EXD2: variants seen among roughly 807,000 people sequenced by gnomAD.
EXD2 encodes the protein exonuclease 3'-5' domain containing 2.
Under a neutral mutation model 62.5 loss-of-function variants are expected in EXD2, and 40 were observed. That is an observed-to-expected ratio of 0.64 (90% confidence interval 0.50 to 0.83). EXD2 has a LOEUF of 0.83. Ranked by LOEUF, EXD2 falls within the 40% of genes least tolerant of loss-of-function variation. The pLI, the probability that EXD2 is intolerant of heterozygous loss-of-function variation, is 0.00. For synonymous variants in EXD2, 239 were observed against 291.9 expected (o/e 0.82, Z 1.85); for missense variants, 671 against 761.8 (o/e 0.88, Z 1.40).
chr14:69,240,806 C>G, intron 9 of EXD2, 78 bp from the exon 10 acceptor site: 1 of 1,271,974 alleles, frequency 7.9e-7, no homozygotes, highest in South Asian at 1.3e-5. Context: ...TTACCCTTGG[C>G]GCGCAGCATT....
At chr14:69,221,004 C>G (rs562042236) in intron 3 of EXD2, among the ~76,000 whole-genome samples, 1 of 152,230 alleles carries the variant, frequency 6.6e-6, no homozygotes, top group East Asian at 1.9e-4. Context: ...GTAGCTGGGA[C>G]TACAGGTGCA....
At chr14:69,231,978 C>G (rs1215964584) in intron 5 of EXD2, among the ~76,000 whole-genome samples, 1 of 145,742 alleles carries the variant, frequency 6.9e-6, no homozygotes, top group African/African-American at 2.5e-5. Flanking sequence ...AGTTTCTCCA[C>G]AGATGAATCT....
intron 3 of EXD2, among the ~76,000 whole-genome samples, chr14:69,225,032 T>G (rs2043311652): frequency 6.6e-6 from 1 of 152,220 alleles, no homozygotes. Flanking sequence ...AGGTCTTACT[T>G]GCTGTAGCTT....
intron 2 of EXD2, among the ~76,000 whole-genome samples, chr14:69,206,400 C>T (rs547916397): frequency 2.9e-4 from 43 of 147,928 alleles, no homozygotes; most frequent in Non-Finnish European, 3.0e-4. Context: ...TATACTCCAG[C>T]GCTGGGGCTG....
intron 1 of EXD2, among the ~76,000 whole-genome samples, chr14:69,195,681 G>C (rs900537885): frequency 1.1e-4 from 17 of 152,058 alleles, no homozygotes; most frequent in Non-Finnish European, 1.9e-4. Flanking sequence ...CCCTATCCCT[G>C]ACTCCCCTGA....
At position 69,230,557 on chromosome 14, in the gene EXD2, C is replaced by G; in HGVS notation, c.676C>G (p.Arg226Gly). Residue 226 changes from arginine to glycine, a missense_variant, in exon 5 of 10, where the codon CGT becomes GGT. Arg to Gly is a moderately radical substitution (Grantham distance 125). Transcript: ENST00000685843. Reference protein sequence around the residue: ...NFPLDKSLLLRCSNWDAETLT... With the variant: ...NFPLDKSLLLGCSNWDAETLT... The stretch of plus-strand genomic sequence containing the variant: ...TCCCCTTGACAAGTCCCTTCTACTT[C>G]GTTGCAGCAACTGGGATGCTGAGAC... 6.2e-7 allele frequency: 1 copy of G among 1,613,896 alleles called. No homozygotes were observed. Among genetic ancestry groups the G allele is most frequent in the East Asian group, 2.2e-5 (1 of 44,880 alleles).
intron 4 of EXD2, among the ~76,000 whole-genome samples, chr14:69,229,756 T>C (rs1480053783): frequency 2.6e-5 from 4 of 152,088 alleles, no homozygotes; most frequent in Non-Finnish European, 5.9e-5. Flanking sequence ...TATGTATGGG[T>C]CCTCATTTAT....
At chr14:69,218,842 G>A (rs1015116583) in intron 3 of EXD2, among the ~76,000 whole-genome samples, 5 of 152,000 alleles carry the variant, frequency 3.3e-5, no homozygotes, top group African/African-American at 4.8e-5. Flanking sequence ...ATTTTTGAGC[G>A]CTCTGTTCCG....
chr14:69,236,146 A>G lies in EXD2; in HGVS notation c.1150A>G (p.Ile384Val). The G allele has an allele frequency of 1.2e-6, 2 of 1,613,250 alleles. No individual in the cohort carries two copies. The highest frequency in any genetic ancestry group is 1.7e-6 in the Non-Finnish European group (2 of 1,179,212). Residue 384 changes from isoleucine (I) to valine (V), a missense_variant, in exon 7 of 10, where the codon ATT (isoleucine) becomes GTT (valine). Transcript: ENST00000685843. The part of the protein sequence containing the change: ...RKAQWYLDKG[I>V]GELVSEEPFV... ...AGCTCAGTGGTACCTGGACAAAGGC[A>G]TTGGTGGTATGAGATTCAGCTGTCC... is the stretch of plus-strand genomic sequence containing the variant.
intron 1 of EXD2, among the ~76,000 whole-genome samples, chr14:69,198,944 T>A (rs1391433225): frequency 6.6e-6 from 1 of 152,170 alleles, no homozygotes; most frequent in Non-Finnish European, 1.5e-5. Context: ...AAAAATGTGG[T>A]ATAAAAGCTA....
intron 3 of EXD2, among the ~76,000 whole-genome samples, chr14:69,211,532 G>A (rs139711918): frequency 2.8e-4 from 42 of 150,370 alleles, no homozygotes; most frequent in African/African-American, 9.6e-4. Context: ...GACAGTGTGG[G>A]GAAATCTTTG....
At chr14:69,234,573 G>A in intron 5 of EXD2, 127 bp from the exon 6 acceptor site, 1 of 749,046 alleles carries the variant, frequency 1.3e-6, no homozygotes, top group Non-Finnish European at 2.1e-6. Flanking sequence ...GGAAGTGTAT[G>A]GTGCCCAGGT....
chr14:69,208,692 C>T (rs2042702992), intron 2 of EXD2: 1 of 152,216 alleles, frequency 6.6e-6, no homozygotes, highest in Non-Finnish European at 1.5e-5. Context: ...ATTAACCTGC[C>T]TGGCGCTGTG....
chr14:69,200,519 T>C (rs1191520255), intron 1 of EXD2, among the ~76,000 whole-genome samples: 2 of 150,922 alleles, frequency 1.3e-5, no homozygotes, highest in Non-Finnish European at 2.9e-5. Context: ...CCGGGCAACA[T>C]TGTGAAACCC....
chr14:69,225,250 T>G (rs2043319086), intron 3 of EXD2, among the ~76,000 whole-genome samples: 1 of 152,238 alleles, frequency 6.6e-6, no homozygotes, highest in South Asian at 2.1e-4. Context: ...GATGGTCCCA[T>G]GTCATTCTTT....
At chr14:69,237,471 G>T (rs1267978932) in intron 8 of EXD2, 104 bp from the exon 9 acceptor site, 3 of 1,026,142 alleles carry the variant, frequency 2.9e-6, no homozygotes, top group Non-Finnish European at 4.5e-6. Flanking sequence ...AGGCTTCTCA[G>T]TCATGGTTAG....
Position 69,201,519 on chromosome 14 carries a change from A to G in EXD2, c.-131-2398A>G, listed in dbSNP as rs116820325. ...TTACAGTTGTTTAAATGTTTCACCT[A>G]TCCTGTGGTGCTTCCTGCCCTTCCC... is the stretch of plus-strand genomic sequence containing the variant. On this transcript the variant is annotated intron_variant, in intron 1 of 9. Transcript: ENST00000685843. Among the ~76,000 whole-genome samples, 438 of 151,856 alleles carry G rather than the reference A, an allele frequency of 2.9e-3. 5 individuals carry two copies. Among genetic ancestry groups the G allele is most frequent in the African/African-American group, 0.01 (414 of 41,392 alleles).
chr14:69,203,731 G>A (rs2042489179), intron 1 of EXD2, among the ~76,000 whole-genome samples, 186 bp from the exon 2 acceptor site: 1 of 152,192 alleles, frequency 6.6e-6, no homozygotes, highest in Non-Finnish European at 1.5e-5. Flanking sequence ...TTGGGTGGGA[G>A]CTGAACTTGA....
At chr14:69,217,270 G>T (rs894005494) in intron 3 of EXD2, among the ~76,000 whole-genome samples, 7 of 152,030 alleles carry the variant, frequency 4.6e-5, no homozygotes, top group African/African-American at 1.7e-4. Flanking sequence ...TCTTAGGCTG[G>T]TCTTGAATTT....
Sources: allele counts gnomAD v4.1 joint callset (sites outside exome capture counted in the v4.1 genomes callset), GRCh38; gene constraint gnomAD v4.1.1; transcripts MANE v1.5; gene names NCBI Gene and HGNC (gene_info 2026-07-23, HGNC 2026-07-21).